The following CAMKMT variants were observed in gnomAD, a reference collection of about 807,000 sequenced individuals.
CAMKMT encodes CaM KMT.
In CAMKMT, 53 loss-of-function variants were observed where a neutral mutation model predicts 48.0. The observed-to-expected ratio is 1.10, with a 90% CI of 0.89 to 1.39. The LOEUF (loss-of-function observed/expected upper bound fraction) is 1.39, where lower values mean the gene tolerates loss of function less well. Ranked by LOEUF, CAMKMT falls within the 40% of genes most tolerant of loss-of-function variation. CAMKMT has a pLI of 0.00. For synonymous variants in CAMKMT, 165 were observed against 152.3 expected, an observed-to-expected ratio of 1.08 and a Z score of -0.61; for missense variants, 428 against 402.7, an observed-to-expected ratio of 1.06 and a Z score of -0.54.
chr2:44,396,198 A>G (rs1241885711), intron 3 of CAMKMT, among the ~76,000 whole-genome samples: 2 of 152,140 alleles, frequency 1.3e-5, no homozygotes, highest in Non-Finnish European at 2.9e-5. Context: ...AATATATTGA[A>G]ATCAAGAAGG....
At chr2:44,567,473 C>G (rs1358884253) in intron 3 of CAMKMT, among the ~76,000 whole-genome samples, 3 of 152,208 alleles carry the variant, frequency 2.0e-5, no homozygotes, top group African/African-American at 7.2e-5. Context: ...ACTGAAACAT[C>G]TTGCTTCTCT....
chr2:44,455,904 A>T (rs1667538141), intron 3 of CAMKMT, among the ~76,000 whole-genome samples: 2 of 152,200 alleles, frequency 1.3e-5, no homozygotes, highest in South Asian at 2.1e-4. Flanking sequence ...CAGGAATCCT[A>T]ACTTTGAAAA....
chr2:44,692,845 T>A (rs1417839618), intron 3 of CAMKMT, among the ~76,000 whole-genome samples: 1 of 152,220 alleles, frequency 6.6e-6, no homozygotes, highest in Non-Finnish European at 1.5e-5. Context: ...AGTTTGTTAG[T>A]GGCAGAGCCA....
At chr2:44,701,106 G>A (rs343986) in intron 3 of CAMKMT, among the ~76,000 whole-genome samples, 20,082 of 152,222 alleles carry the variant, frequency 0.13, 1,444 homozygotes, top group South Asian at 0.18. Flanking sequence ...GAGCATTCGT[G>A]TACAAGTTTT....
At chr2:44,488,138 A>G (rs1421919469) in intron 3 of CAMKMT, among the ~76,000 whole-genome samples, 1 of 152,188 alleles carries the variant, frequency 6.6e-6, no homozygotes, top group Non-Finnish European at 1.5e-5. Flanking sequence ...AAGTCTCCAT[A>G]TGTATCAAGT....
chr2:44,440,050 G>A lies in CAMKMT; in HGVS notation c.376+49745G>A, dbSNP rs111277635. ...CTCATGGGATATGGCTTCTTATGGC[G>A]CAGGTCAGAATGAGAAAGGAGAGTG... is the stretch of plus-strand genomic sequence containing the variant. On this transcript the variant is annotated intron_variant, in intron 3 of 10. Transcript: ENST00000378494. 1.7e-3 allele frequency among the ~76,000 whole-genome samples: 265 copies of A among 152,202 alleles called. No individual in the cohort carries two copies. The Middle Eastern group carries it at 0.031, about 18-fold the overall frequency.
At chr2:44,527,866 A>G (rs963706896) in intron 3 of CAMKMT, among the ~76,000 whole-genome samples, 1 of 142,578 alleles carries the variant, frequency 7.0e-6, no homozygotes, top group Non-Finnish European at 1.5e-5. Flanking sequence ...ATTATCACCC[A>G]AAGTCTATAG....
At chr2:44,684,543 G>A (rs1196298488) in intron 3 of CAMKMT, among the ~76,000 whole-genome samples, 6 of 151,828 alleles carry the variant, frequency 4.0e-5, no homozygotes, top group Middle Eastern at 3.4e-3. Flanking sequence ...CACTTAAAGC[G>A]TCCATTCTAG....
intron 10 of CAMKMT, among the ~76,000 whole-genome samples, chr2:44,770,556 C>T (rs1298859070): frequency 1.3e-5 from 2 of 152,198 alleles, no homozygotes; most frequent in Non-Finnish European, 2.9e-5. Context: ...TCCCTTATCC[C>T]CAATCCCCAA....
Position 44,430,414 on chromosome 2 carries a change from C to T in CAMKMT, c.376+40109C>T, listed in dbSNP as rs546819976. 4.0e-4 allele frequency among the ~76,000 whole-genome samples: 60 copies of T among 151,740 alleles called. 1 individual carries two copies. The South Asian group carries it at 0.013, about 32-fold the overall frequency. Reference sequence around the variant, plus strand: ...TGAAGTGAAATGTTGAGAAGGCAGCCTCTCATCAGTGGACAAACAATGCCT... The same window carrying T: ...TGAAGTGAAATGTTGAGAAGGCAGCTTCTCATCAGTGGACAAACAATGCCT... On this transcript the variant is annotated intron_variant, in intron 3 of 10. Transcript: ENST00000378494.
At chr2:44,466,311 A>G (rs1409438170) in intron 3 of CAMKMT, among the ~76,000 whole-genome samples, 4 of 152,224 alleles carry the variant, frequency 2.6e-5, no homozygotes, top group Non-Finnish European at 5.9e-5. Flanking sequence ...AAGTAGATTG[A>G]AATCACTTTA....
chr2:44,648,813 TCTCCC>T (rs1673897905), intron 3 of CAMKMT, among the ~76,000 whole-genome samples: 1 of 152,154 alleles, frequency 6.6e-6, no homozygotes, highest in South Asian at 2.1e-4. Flanking sequence ...CCACCAGCTT[TCTCCC>T]CTAGACTACC....
At chr2:44,660,364 A>C (rs995933798) in intron 3 of CAMKMT, among the ~76,000 whole-genome samples, 7 of 152,212 alleles carry the variant, frequency 4.6e-5, no homozygotes, top group Admixed American at 1.3e-4. Flanking sequence ...TGGAAGTGTC[A>C]AGGGGATGCT....
At chr2:44,478,319 T>C (rs796885371) in intron 3 of CAMKMT, among the ~76,000 whole-genome samples, 13 of 152,324 alleles carry the variant, frequency 8.5e-5, no homozygotes, top group African/African-American at 3.1e-4. Flanking sequence ...CTTGCCACCA[T>C]TTGCTGTGAT....
At chr2:44,744,381 T>C (rs891366784) in intron 8 of CAMKMT, among the ~76,000 whole-genome samples, 2 of 152,244 alleles carry the variant, frequency 1.3e-5, no homozygotes, top group Non-Finnish European at 2.9e-5. Flanking sequence ...TATTTGTTAA[T>C]GAAAGTCTGA....
intron 3 of CAMKMT, among the ~76,000 whole-genome samples, chr2:44,395,913 A>G (rs1403865691): frequency 1.3e-5 from 2 of 152,126 alleles, no homozygotes; most frequent in Non-Finnish European, 2.9e-5. Context: ...ATAGTGTGGC[A>G]TTATTGCAGA....
chr2:44,576,907 A>G (rs1558715965), intron 3 of CAMKMT, among the ~76,000 whole-genome samples: 1 of 152,210 alleles, frequency 6.6e-6, no homozygotes, highest in African/African-American at 2.4e-5. Flanking sequence ...CATTCATTCC[A>G]TTTTTGTGGA....
chr2:44,738,535 C>G (rs1679488201), intron 7 of CAMKMT, among the ~76,000 whole-genome samples: 1 of 152,194 alleles, frequency 6.6e-6, no homozygotes, highest in Non-Finnish European at 1.5e-5. Flanking sequence ...GTGCCAGGCA[C>G]TGTGCTAGGT....
chr2:44,383,426 G>A (rs1007305106), intron 2 of CAMKMT, among the ~76,000 whole-genome samples: 1 of 152,156 alleles, frequency 6.6e-6, no homozygotes, highest in East Asian at 1.9e-4. Context: ...GCCTCCCAAA[G>A]TGCTGGGATT....
Sources: gnomAD v4.1 joint callset for allele counts (sites outside exome capture counted in the v4.1 genomes callset) on GRCh38, gnomAD v4.1.1 for gene constraint, MANE v1.5 for transcripts, NCBI Gene and HGNC (gene_info 2026-07-23, HGNC 2026-07-21) for gene names.